Variants in NUDCD3 observed in about 807,000 individuals in gnomAD.
NUDCD3 encodes nudC domain-containing protein 3.
In NUDCD3, 13 loss-of-function variants were observed where a neutral mutation model predicts 39.7. That is an observed-to-expected ratio of 0.33 (90% CI 0.21 to 0.52). The LOEUF is 0.52. Among genes scored for constraint, NUDCD3 ranks in the 20% least tolerant of loss-of-function variants. The pLI, the probability that NUDCD3 is intolerant of heterozygous loss-of-function variation, is 0.96. For synonymous variants in NUDCD3, 175 were observed against 172.4 expected (o/e 1.02, Z -0.12); for missense variants, 453 against 458.1 (o/e 0.99, Z 0.10).
Position 44,406,828 on chromosome 7 carries a change from G to A in NUDCD3, c.643-2245C>T, listed in dbSNP as rs557783289. On this transcript the variant is annotated intron_variant, in intron 3 of 5. Transcript: ENST00000355451. ...ATGAGATGTCAACAAATCTGCAGAA[G>A]ACAAAAGGAGGAGGGGCACAGGAGA... 2.0e-5 allele frequency among the ~76,000 whole-genome samples: 3 copies of A among 152,302 alleles called. No homozygotes were observed. The South Asian group carries it at 6.2e-4, about 32-fold the overall frequency.
chr7:44,447,192 A>C (rs1305911637), intron 2 of NUDCD3, among the ~76,000 whole-genome samples: 3 of 152,224 alleles, frequency 2.0e-5, no homozygotes, highest in Non-Finnish European at 4.4e-5. Flanking sequence ...TCAGCATGGG[A>C]TGGTCCGTGC....
rs1206350297 is a variant in NUDCD3 at position 44,383,549 on chromosome 7, C to G, written c.*2462G>C. On this transcript the variant is annotated 3_prime_UTR_variant, in exon 6 of 6. Transcript: ENST00000355451. ...TGCAACAATAATGACCATGCACAGA[C>G]AGAACTGTCTCAGCAGCAAATGTCA... 1 of 152,234 alleles carries G rather than the reference C, an allele frequency of 6.6e-6. No homozygotes were observed. Among genetic ancestry groups the G allele is most frequent in the Non-Finnish European group, 1.5e-5 (1 of 68,056 alleles). 9.4% of individuals were successfully genotyped at this position (152,234 alleles called of 1,614,324 possible).
At chr7:44,428,273 T>C (rs975246173) in intron 2 of NUDCD3, among the ~76,000 whole-genome samples, 2 of 151,542 alleles carry the variant, frequency 1.3e-5, no homozygotes, top group Non-Finnish European at 2.9e-5. Flanking sequence ...CTGTCTCTAC[T>C]AAAAATACAA....
At chr7:44,411,660 A>G (rs1409948729) in intron 3 of NUDCD3, among the ~76,000 whole-genome samples, 1 of 152,244 alleles carries the variant, frequency 6.6e-6, no homozygotes, top group African/African-American at 2.4e-5. Context: ...ATACAGAGAA[A>G]TAAGCACCCT....
At chr7:44,404,924 G>A (rs960225528) in intron 3 of NUDCD3, among the ~76,000 whole-genome samples, 15 of 152,184 alleles carry the variant, frequency 9.9e-5, no homozygotes, top group African/African-American at 3.4e-4. Flanking sequence ...GAGACAAGTG[G>A]TATTTCTTCC....
chr7:44,404,391 C>A (rs1463681143), intron 4 of NUDCD3, 49 bp downstream of exon 4: 4 of 1,588,706 alleles, frequency 2.5e-6, no homozygotes, highest in Middle Eastern at 1.7e-4. Context: ...GGCATCACTG[C>A]AGGTTTGAAG....
chr7:44,419,089 T>C (rs946131301), intron 3 of NUDCD3, among the ~76,000 whole-genome samples: 2 of 152,008 alleles, frequency 1.3e-5, no homozygotes, highest in Admixed American at 1.3e-4. Flanking sequence ...GACAGAACCG[T>C]TCACTCCCCT....
At chr7:44,469,736 A>T (rs1046736105) in intron 2 of NUDCD3, among the ~76,000 whole-genome samples, 5 of 152,204 alleles carry the variant, frequency 3.3e-5, no homozygotes, top group South Asian at 2.1e-4. Flanking sequence ...CCACCATGGT[A>T]TTCTTCTGTG....
intron 3 of NUDCD3, among the ~76,000 whole-genome samples, chr7:44,408,899 C>T (rs1170311915): frequency 6.6e-6 from 1 of 152,210 alleles, no homozygotes; most frequent in African/African-American, 2.4e-5. Context: ...CATCATTTGA[C>T]CTGTCTGATG....
intron 2 of NUDCD3, among the ~76,000 whole-genome samples, chr7:44,472,550 T>A (rs1800275527): frequency 3.3e-5 from 5 of 152,200 alleles, no homozygotes; most frequent in Admixed American, 3.3e-4. Context: ...AAAATTAATT[T>A]ACGGGAATAT....
intron 2 of NUDCD3, among the ~76,000 whole-genome samples, chr7:44,453,537 T>G (rs1419694228): frequency 6.6e-6 from 1 of 152,092 alleles, no homozygotes; most frequent in Non-Finnish European, 1.5e-5. Flanking sequence ...CTCCTATAAC[T>G]CTGTACATCT....
rs565472520 is a variant in NUDCD3 at position 44,396,514 on chromosome 7, A to G, written c.787-4029T>C. ...TGACTTGCCTGGAGTCCCTCTCCAC[A>G]CTGTTCCTTTACAGAATTCCATCTC... On this transcript the variant is annotated intron_variant, in intron 4 of 5. Coordinates refer to ENST00000355451, the MANE Select transcript of NUDCD3 (RefSeq NM_015332.4). Among the ~76,000 whole-genome samples, 7 of 152,254 alleles carry G rather than the reference A, an allele frequency of 4.6e-5. No homozygotes were observed. In the East Asian group the frequency reaches 9.6e-4, roughly 21 times the overall value.
At chr7:44,454,106 G>A (rs921146711) in intron 2 of NUDCD3, among the ~76,000 whole-genome samples, 4 of 152,114 alleles carry the variant, frequency 2.6e-5, no homozygotes, top group East Asian at 3.9e-4. Flanking sequence ...TTGGGAGGCC[G>A]AGGCAGGCAG....
intron 2 of NUDCD3, among the ~76,000 whole-genome samples, chr7:44,437,327 C>G (rs1449811267): frequency 2.6e-5 from 4 of 152,180 alleles, no homozygotes; most frequent in Non-Finnish European, 5.9e-5. Flanking sequence ...CTTGGCCTCC[C>G]AAAGTGCTGG....
At chr7:44,407,375 G>C (rs1480108007) in intron 3 of NUDCD3, among the ~76,000 whole-genome samples, 1 of 151,778 alleles carries the variant, frequency 6.6e-6, no homozygotes, top group Non-Finnish European at 1.5e-5. Context: ...AGACCAGCCT[G>C]ACCAACATGG....
intron 2 of NUDCD3, among the ~76,000 whole-genome samples, chr7:44,451,050 A>G (rs1466384028): frequency 6.6e-6 from 1 of 152,272 alleles, no homozygotes; most frequent in African/African-American, 2.4e-5. Context: ...TCACAGCAGC[A>G]CTGTTTACAA....
intron 3 of NUDCD3, 59 bp downstream of exon 3, chr7:44,427,512 T>A: frequency 6.4e-7 from 1 of 1,569,582 alleles, no homozygotes; most frequent in Non-Finnish European, 8.6e-7. Context: ...GGGTCTTCCC[T>A]GCAACAGCTT....
At chr7:44,468,842 C>G (rs549128771) in intron 2 of NUDCD3, among the ~76,000 whole-genome samples, 88 of 152,146 alleles carry the variant, frequency 5.8e-4, no homozygotes, top group African/African-American at 2.0e-3. Flanking sequence ...CAGGAAAAGT[C>G]AACTGCAAGA....
intron 2 of NUDCD3, among the ~76,000 whole-genome samples, chr7:44,458,958 G>A (rs1046198901): frequency 1.8e-4 from 27 of 148,022 alleles, no homozygotes; most frequent in African/African-American, 6.5e-4. Flanking sequence ...GTGTGTGTGT[G>A]TGTGTGTGTG....
Sources: allele counts gnomAD v4.1 joint callset (sites outside exome capture counted in the v4.1 genomes callset), GRCh38; gene constraint gnomAD v4.1.1; transcripts MANE v1.5; gene names NCBI Gene and HGNC (gene_info 2026-07-23, HGNC 2026-07-21).